Variants in HCN2 observed in about 807,000 individuals in gnomAD.
HCN2 encodes potassium/sodium hyperpolarization-activated cyclic nucleotide-gated channel 2.
A neutral mutation model predicts 52.3 loss-of-function variants in HCN2; 20 were observed. That is an observed-to-expected ratio of 0.38 (90% CI 0.27 to 0.56). The LOEUF is 0.56. Among genes scored for constraint, HCN2 ranks in the 20% least tolerant of loss-of-function variants. The probability of loss-of-function intolerance (pLI) is 0.71; values close to 1 mark genes in which losing one functional copy is unlikely to be tolerated. For missense variants in HCN2, 981 were observed against 1,207.7 expected, an observed-to-expected ratio of 0.81 and a Z score of 2.78; for synonymous variants, 694 against 537.0, an observed-to-expected ratio of 1.29 and a Z score of -4.04.
chr19:616,547 GCGCTGC>G lies in HCN2; in HGVS notation c.*75_*80del. Reference sequence around the variant, plus strand: ...TCATCCAGACCAAAGCCATGCCATTGCGCTGCCCCGGCCGCCAGTCCGCCCAGAAGC... The same window carrying G: ...TCATCCAGACCAAAGCCATGCCATTGCCCGGCCGCCAGTCCGCCCAGAAGC... On this transcript the variant is annotated 3_prime_UTR_variant, in exon 8 of 8. Coordinates refer to ENST00000251287, the MANE Select transcript of HCN2 (RefSeq NM_001194.4). 1 of 893,430 alleles carries G rather than the reference GCGCTGC, an allele frequency of 1.1e-6. No homozygotes were observed. The highest frequency in any genetic ancestry group is 1.4e-6 in the Non-Finnish European group (1 of 706,596). 55.3% of individuals were successfully genotyped at this position (893,430 alleles called of 1,614,324 possible). A position where few individuals can be genotyped will look rare whatever the true frequency, so the allele number is the denominator to read the frequency against.
At chr19:615,655 T>C (rs1983868344) in intron 7 of HCN2, 140 bp from the exon 8 acceptor site, 7 of 740,968 alleles carry the variant, frequency 9.4e-6, no homozygotes, top group Non-Finnish European at 1.6e-5. Flanking sequence ...ATGTGCTTAT[T>C]GTATACAGTA....
Position 590,686 on chromosome 19 carries a change from G to GC in HCN2, c.632+109_632+110insC. The GC allele has an allele frequency of 1.1e-6, 1 of 874,556 alleles. No individual in the cohort carries two copies. The highest frequency in any genetic ancestry group is 1.5e-6 in the Non-Finnish European group (1 of 667,946). The allele number at this position is 874,556 out of a possible 1,614,324, so 54.2% of individuals were successfully genotyped here. A position where few individuals can be genotyped will look rare whatever the true frequency, so the allele number is the denominator to read the frequency against. On this transcript the variant is annotated intron_variant, in intron 1 of 7. Coordinates refer to ENST00000251287, the MANE Select transcript of HCN2 (RefSeq NM_001194.4). The surrounding 1 kb of genome is among the most constrained non-coding windows in gnomAD (Gnocchi z 7.2). ...GGGCGGGGCGGCGCGCCGGGCCGGTGACCTCGGGGCTCCTCGGTGACCTCG... is the reference window on the plus strand; with the variant it reads ...GGGCGGGGCGGCGCGCCGGGCCGGTGCACCTCGGGGCTCCTCGGTGACCTCG...
chr19:595,819 T>G (rs899612000), intron 1 of HCN2, among the ~76,000 whole-genome samples: 3 of 152,206 alleles, frequency 2.0e-5, no homozygotes, highest in African/African-American at 7.2e-5. Flanking sequence ...TGCCGTCTCC[T>G]AATCCCCCGG....
rs2144499194 is a variant in HCN2, at chr19:590,224, G to A, written c.279G>A (p.Thr93=). Residue 93 remains threonine (T), a synonymous_variant, in exon 1 of 8, where the codon ACG becomes ACA. Transcript: ENST00000251287. This position sits in a 1 kb window ranked among gnomAD's most constrained non-coding sequence, Gnocchi z 7.2. The part of the protein sequence containing the change: ...GRPGTPGAAS[T]AKGSPNGECG... ...CCGGCACCCCGGGCGCGGCGAGCACGGCCAAGGGCAGCCCGAACGGCGAGT... is the reference window on the plus strand; with the variant it reads ...CCGGCACCCCGGGCGCGGCGAGCACAGCCAAGGGCAGCCCGAACGGCGAGT... 4 of 985,456 alleles carry A rather than the reference G, an allele frequency of 4.1e-6. No individual in the cohort carries two copies. Among genetic ancestry groups the A allele is most frequent in the East Asian group, 1.2e-4 (1 of 8,546 alleles). The allele number at this position is 985,456 out of a possible 1,614,324, so 61.0% of individuals were successfully genotyped here.
chr19:610,473 C>T (rs554841496), intron 5 of HCN2, 68 bp downstream of exon 5: 3 of 1,454,676 alleles, frequency 2.1e-6, no homozygotes, highest in South Asian at 1.2e-5. Flanking sequence ...TCCTGGAGCC[C>T]AGGAGCCGGT....
Position 608,198 on chromosome 19 carries a change from G to A in HCN2, c.1437+16G>A, listed in dbSNP as rs754061543. The A allele has an allele frequency of 1.2e-6, 2 of 1,609,150 alleles. No individual in the cohort carries two copies. The highest frequency in any genetic ancestry group is 8.5e-7 in the Non-Finnish European group (1 of 1,177,746). The stretch of plus-strand genomic sequence containing the variant: ...CCAGGAGAAGGTCTGAGGGAGGCGG[G>A]CCCCGGCCTGGGTTCTGATGGGGGA... On this transcript the variant is annotated intron_variant, in intron 4 of 7. Transcript: ENST00000251287.
At chr19:612,957 C>T (rs978143951) in intron 5 of HCN2, among the ~76,000 whole-genome samples, 2 of 151,940 alleles carry the variant, frequency 1.3e-5, no homozygotes, top group South Asian at 2.1e-4. Flanking sequence ...TGAGATCACA[C>T]GCGTGAGCCC....
At chr19:615,761 C>G (rs367892864) in intron 7 of HCN2, 34 bp from the exon 8 acceptor site, 1 of 1,605,006 alleles carries the variant, frequency 6.2e-7, no homozygotes, top group Non-Finnish European at 8.5e-7. Flanking sequence ...AGCAGGCGCT[C>G]CCTGTGCACA....
rs1982898862 is a variant in HCN2, at chr19:592,353, C to T, written c.632+1776C>T. On this transcript the variant is annotated intron_variant, in intron 1 of 7. Coordinates refer to ENST00000251287, the MANE Select transcript of HCN2 (RefSeq NM_001194.4). The surrounding 1 kb of genome is among the most constrained non-coding windows in gnomAD (Gnocchi z 4.8). ...CAGCGACCCCCTGGCTGCAGAGGGGCGGTCGGTGGCCTGGGGGGCAGGTGG... is the reference window on the plus strand; with the variant it reads ...CAGCGACCCCCTGGCTGCAGAGGGGTGGTCGGTGGCCTGGGGGGCAGGTGG... Among the ~76,000 whole-genome samples the T allele has an allele frequency of 2.0e-5, 3 of 152,202 alleles. No homozygotes were observed. Among genetic ancestry groups the T allele is most frequent in the South Asian group, 2.1e-4 (1 of 4,838 alleles).
chr19:615,643 A>G (rs533766703), intron 7 of HCN2, 152 bp from the exon 8 acceptor site: 13 of 688,602 alleles, frequency 1.9e-5, no homozygotes, highest in South Asian at 1.9e-4. Flanking sequence ...GAGATGCTAC[A>G]TATGTGCTTA....
At chr19:594,846 G>C (rs553839078) in intron 1 of HCN2, among the ~76,000 whole-genome samples, 14 of 152,202 alleles carry the variant, frequency 9.2e-5, no homozygotes, top group African/African-American at 3.1e-4. Flanking sequence ...GGGGTCAGGG[G>C]TCGGGGTGGC....
intron 1 of HCN2, among the ~76,000 whole-genome samples, chr19:594,333 GC>G (rs1324308259): frequency 6.6e-6 from 1 of 152,182 alleles, no homozygotes; most frequent in Non-Finnish European, 1.5e-5. Context: ...AGAGAGGCTG[GC>G]GGCTTCCTGA....
intron 2 of HCN2, among the ~76,000 whole-genome samples, chr19:604,629 GGTC>G (rs1983341596): frequency 2.1e-5 from 3 of 142,820 alleles, no homozygotes; most frequent in Non-Finnish European, 4.6e-5. Context: ...TGCTGGGCGG[GGTC>G]AGGCAGCAAG....
At position 616,311 on chromosome 19, in the gene HCN2, CCTCCACACGCCCGGCCAGCAG is replaced by C. The variant is rs1176828238; in HGVS notation, c.2516_2536del (p.Arg839_Thr845del). ...CCTCACGGCGCCCCCGGCCCCGCGG[CCTCCACACGCCCGGCCAGCAG>C]CTCCACACCGCGCTTGGGGCCCACG... On this transcript the variant is annotated inframe_deletion, in exon 8 of 8. Coordinates refer to ENST00000251287, the MANE Select transcript of HCN2 (RefSeq NM_001194.4). 6.2e-6 allele frequency: 7 copies of C among 1,123,998 alleles called. No individual in the cohort carries two copies. The highest frequency in any genetic ancestry group is 4.3e-5 in the Admixed American group (1 of 23,098). 69.6% of individuals were successfully genotyped at this position (1,123,998 alleles called of 1,614,324 possible). A position where few individuals can be genotyped will look rare whatever the true frequency, so the allele number is the denominator to read the frequency against.
rs1983943295 is a variant in HCN2 at position 616,594 on chromosome 19, G to C, written c.*120G>C. On this transcript the variant is annotated 3_prime_UTR_variant, in exon 8 of 8. Transcript: ENST00000251287. The stretch of plus-strand genomic sequence containing the variant: ...GCCCAGAAGCCATAGACGAGACGTA[G>C]GTAGCCGTAGTTGGACGGACGGGCA... 1 of 575,918 alleles carries C rather than the reference G, an allele frequency of 1.7e-6. No homozygotes were observed. The highest frequency in any genetic ancestry group is 5.9e-5 in the East Asian group (1 of 16,850). The allele number at this position is 575,918 out of a possible 1,614,324, so 35.7% of individuals were successfully genotyped here.
At chr19:599,463 GC>G (rs751526626) in intron 1 of HCN2, among the ~76,000 whole-genome samples, 96 of 152,268 alleles carry the variant, frequency 6.3e-4, no homozygotes, top group Middle Eastern at 3.4e-3. Flanking sequence ...ATAGGGAGGG[GC>G]TGGGCCTGGG....
intron 5 of HCN2, among the ~76,000 whole-genome samples, chr19:612,999 C>CTA (rs1372704821): frequency 6.6e-6 from 1 of 152,216 alleles, no homozygotes; most frequent in Non-Finnish European, 1.5e-5. Context: ...CCGCTCTTGT[C>CTA]TACAGCCGCC....
Position 608,201 on chromosome 19 carries a change from C to A in HCN2, c.1437+19C>A. ...GGAGAAGGTCTGAGGGAGGCGGGCCCCGGCCTGGGTTCTGATGGGGGAGGC... is the reference window on the plus strand; with the variant it reads ...GGAGAAGGTCTGAGGGAGGCGGGCCACGGCCTGGGTTCTGATGGGGGAGGC... On this transcript the variant is annotated intron_variant, in intron 4 of 7. Coordinates refer to ENST00000251287, the MANE Select transcript of HCN2 (RefSeq NM_001194.4). 6.2e-7 allele frequency: 1 copy of A among 1,607,618 alleles called. No homozygotes were observed. Among genetic ancestry groups the A allele is most frequent in the Non-Finnish European group, 8.5e-7 (1 of 1,176,492 alleles).
In HCN2 at chr19:590,740, C is replaced by T. The variant is rs1275582732; in HGVS notation, c.632+163C>T. 1.2e-5 allele frequency: 5 copies of T among 418,306 alleles called. No individual in the cohort carries two copies. The highest frequency in any genetic ancestry group is 1.9e-5 in the Non-Finnish European group (5 of 263,126). The allele number at this position is 418,306 out of a possible 1,614,324, so 25.9% of individuals were successfully genotyped here. ...GTGTCCGGGACCCGCCCCGGAGTGA[C>T]CCCGGCGCGCGAGGCTCCGCCTCTG... is the stretch of plus-strand genomic sequence containing the variant. On this transcript the variant is annotated intron_variant, in intron 1 of 7. Transcript: ENST00000251287. The surrounding 1 kb of genome is among the most constrained non-coding windows in gnomAD (Gnocchi z 7.2).
Sources: allele counts gnomAD v4.1 joint callset (sites outside exome capture counted in the v4.1 genomes callset), GRCh38; gene constraint gnomAD v4.1.1; non-coding constraint Gnocchi (gnomAD v3.1); transcripts MANE v1.5; gene names NCBI Gene and HGNC (gene_info 2026-07-23, HGNC 2026-07-21).